EIF3B: variants seen among roughly 807,000 people sequenced by gnomAD.
EIF3B encodes eukaryotic translation initiation factor 3 subunit 9.
In EIF3B, 10 loss-of-function variants were observed where a neutral mutation model predicts 104.6. The observed-to-expected ratio is 0.10, with a 90% CI of 0.06 to 0.16. The LOEUF (loss-of-function observed/expected upper bound fraction) is 0.16, where lower values mean the gene tolerates loss of function less well. Ranked by LOEUF, EIF3B falls within the 10% of genes least tolerant of loss-of-function variation. The probability of loss-of-function intolerance (pLI) is 1.00; values close to 1 mark genes in which losing one functional copy is unlikely to be tolerated. For synonymous variants in EIF3B, 542 were observed against 417.2 expected (o/e 1.30, Z -3.65); for missense variants, 1,014 against 1,087.9 (o/e 0.93, Z 0.96).
At position 2,378,671 on chromosome 7, in the gene EIF3B, A is replaced by G; in HGVS notation, c.2155-18A>G. ...TGCTTTGAATGTTAAATCCTGAGTG[A>G]TGGGTCTTTTGTTTCAGCAAATTAA... On this transcript the variant is annotated intron_variant, in intron 15 of 18. Coordinates refer to ENST00000360876, the MANE Select transcript of EIF3B (RefSeq NM_001037283.2). 6.2e-7 allele frequency: 1 copy of G among 1,607,802 alleles called. No homozygotes were observed. Among genetic ancestry groups the G allele is most frequent in the Non-Finnish European group, 8.5e-7 (1 of 1,174,418 alleles).
intron 12 of EIF3B, chr7:2,374,097 A>G (rs1396175185): frequency 6.5e-6 from 1 of 154,270 alleles, no homozygotes; most frequent in Non-Finnish European, 1.4e-5. Context: ...TCCGGAAGTA[A>G]GAGTTAGTAC....
intron 10 of EIF3B, among the ~76,000 whole-genome samples, chr7:2,370,532 C>G (rs1323843637): frequency 1.3e-5 from 2 of 152,134 alleles, no homozygotes; most frequent in Non-Finnish European, 2.9e-5. Context: ...ATTCTTCTTT[C>G]TTTTATGTTA....
chr7:2,372,956 G>A (rs1057064054), intron 12 of EIF3B, among the ~76,000 whole-genome samples, 161 bp downstream of exon 12: 1 of 152,156 alleles, frequency 6.6e-6, no homozygotes, highest in Non-Finnish European at 1.5e-5. Context: ...GTGAGCGATG[G>A]CCTGGAGGTG....
chr7:2,355,799 A>G (rs553804496), intron 1 of EIF3B, among the ~76,000 whole-genome samples: 5 of 152,122 alleles, frequency 3.3e-5, no homozygotes, highest in East Asian at 1.9e-4. Context: ...TTGCGGGTCT[A>G]CGTGTCCCCA....
chr7:2,355,828 T>G (rs1234010298), intron 1 of EIF3B, among the ~76,000 whole-genome samples: 1 of 152,114 alleles, frequency 6.6e-6, no homozygotes, highest in Non-Finnish European at 1.5e-5. Context: ...CAGTCAGACC[T>G]CCCAAGGTCT....
At chr7:2,379,641 G>A (rs952607457) in intron 18 of EIF3B, 130 bp downstream of exon 18, 3 of 662,426 alleles carry the variant, frequency 4.5e-6, no homozygotes, top group Admixed American at 2.5e-5. Context: ...ATGTGCCCAG[G>A]GTTAGCTGAG....
chr7:2,362,690 T>C lies in EIF3B; in HGVS notation c.738T>C (p.Ala246=), dbSNP rs2115293787. The part of the protein sequence containing the change: ...EYASPAHAVD[A]VKNADGYKLD... ...CGTCCCCTGCCCACGCTGTGGATGC[T>C]GTGAAGAACGCCGACGGCTACAAGC... is the stretch of plus-strand genomic sequence containing the variant. The change falls in exon 3 of 19, where the codon GCT becomes GCC. Residue 246 remains alanine, a synonymous_variant. Coordinates refer to ENST00000360876, the MANE Select transcript of EIF3B (RefSeq NM_001037283.2). 1 of 1,614,234 alleles carries C rather than the reference T, an allele frequency of 6.2e-7. No homozygotes were observed. The highest frequency in any genetic ancestry group is 8.5e-7 in the Non-Finnish European group (1 of 1,180,036).
In EIF3B at chr7:2,366,342, A is replaced by T; in HGVS notation, c.1183A>T (p.Met395Leu). The change falls in exon 7 of 19, where the codon ATG (methionine) becomes TTG (leucine). Residue 395 changes from methionine (M) to leucine (L), a missense_variant. Coordinates refer to ENST00000360876, the MANE Select transcript of EIF3B (RefSeq NM_001037283.2). ...ERYLVTFSPL[M>L]DTQDDPQAII... ...GTACCTGGTGACCTTTAGCCCCCTGATGGACACGCAGGATGACCCTCAGGC... is the reference window on the plus strand; with the variant it reads ...GTACCTGGTGACCTTTAGCCCCCTGTTGGACACGCAGGATGACCCTCAGGC... The T allele has an allele frequency of 1.9e-6, 3 of 1,612,238 alleles. No homozygotes were observed. The highest frequency in any genetic ancestry group is 2.5e-6 in the Non-Finnish European group (3 of 1,179,246).
rs575904735 is a variant in EIF3B, at chr7:2,379,506, A to G, written c.*9A>G. On this transcript the variant is annotated 3_prime_UTR_variant, in exon 18 of 19. Transcript: ENST00000360876. Reference sequence around the variant, plus strand: ...TCGGGAATCAGGAGTGACCTGGAGCACTGTGGTGAGCGTCTGCAGGGGGCG... The same window carrying G: ...TCGGGAATCAGGAGTGACCTGGAGCGCTGTGGTGAGCGTCTGCAGGGGGCG... 6.4e-7 allele frequency: 1 copy of G among 1,560,328 alleles called. No individual in the cohort carries two copies. The highest frequency in any genetic ancestry group is 1.2e-5 in the South Asian group (1 of 84,804).
chr7:2,362,862 A>G, intron 3 of EIF3B, 98 bp downstream of exon 3: 1 of 1,556,704 alleles, frequency 6.4e-7, no homozygotes, highest in Non-Finnish European at 8.7e-7. Flanking sequence ...TGTCTGTCAG[A>G]TTGTTCACAT....
In EIF3B at chr7:2,355,157, G is replaced by A. The variant is rs775676864; in HGVS notation, c.236G>A (p.Gly79Asp). ...EPAAEAEAAS[G>D]PSESPSPPAA... ...GCGGCCGAGGCAGAGGCGGCCTCCG[G>A]CCCGTCCGAGTCGCCCTCGCCGCCG... The change falls in exon 1 of 19, where the codon GGC (glycine) becomes GAC (aspartate). Residue 79 changes from glycine (G) to aspartate (D), a missense_variant. Gly to Asp is a moderately conservative substitution (Grantham distance 94, BLOSUM62 -1). This residue lies in a region of EIF3B where 488 missense variants were observed against 404.3 expected (regional missense o/e 1.21). Transcript: ENST00000360876. 1.7e-4 allele frequency: 253 copies of A among 1,448,342 alleles called. 1 individual carries two copies. Among genetic ancestry groups the A allele is most frequent in the Non-Finnish European group, 2.2e-4 (241 of 1,110,468 alleles). 89.7% of individuals were successfully genotyped at this position (1,448,342 alleles called of 1,614,324 possible).
At chr7:2,355,979 CTA>C (rs10574056) in intron 1 of EIF3B, among the ~76,000 whole-genome samples, 1,923 of 152,296 alleles carry the variant, frequency 0.013, 42 homozygotes, top group African/African-American at 0.044. Context: ...TGCGCTAAAT[CTA>C]TAAAGAGAGT....
At position 2,362,830 on chromosome 7, in the gene EIF3B, G is replaced by A. The variant is rs1779811052; in HGVS notation, c.812+66G>A. ...GCAAGTGACTGGCTGTGTGCGGGTGGCTTGGTGCTTCTCGGTGCTGGTGTC... is the reference window on the plus strand; with the variant it reads ...GCAAGTGACTGGCTGTGTGCGGGTGACTTGGTGCTTCTCGGTGCTGGTGTC... On this transcript the variant is annotated intron_variant, in intron 3 of 18. Coordinates refer to ENST00000360876, the MANE Select transcript of EIF3B (RefSeq NM_001037283.2). The A allele has an allele frequency of 8.7e-6, 14 of 1,603,408 alleles. No homozygotes were observed. The South Asian group carries it at 1.5e-4, about 18-fold the overall frequency.
At chr7:2,362,849 T>C in intron 3 of EIF3B, 85 bp downstream of exon 3, 4 of 1,578,426 alleles carry the variant, frequency 2.5e-6, no homozygotes, top group Non-Finnish European at 3.5e-6. Context: ...TTCTCGGTGC[T>C]GGTGTCTGTC....
At chr7:2,355,463 T>G in intron 1 of EIF3B, 43 bp downstream of exon 1, 1 of 1,402,010 alleles carries the variant, frequency 7.1e-7, no homozygotes, top group Non-Finnish European at 9.3e-7. Flanking sequence ...CGCGGGAGCG[T>G]GGCTGGGGTT....
intron 9 of EIF3B, 32 bp downstream of exon 9, chr7:2,367,077 G>GC: frequency 1.3e-6 from 2 of 1,518,976 alleles, no homozygotes; most frequent in South Asian, 1.2e-5. Flanking sequence ...GTGTCTTAGT[G>GC]TGTTCAGGCT....
In EIF3B at chr7:2,355,261, G is replaced by C. The variant is rs751195596; in HGVS notation, c.340G>C (p.Asp114His). 17 of 1,531,054 alleles carry C rather than the reference G, an allele frequency of 1.1e-5. No individual in the cohort carries two copies. The highest frequency in any genetic ancestry group is 9.6e-6 in the Non-Finnish European group (11 of 1,145,536). The allele number at this position is 1,531,054 out of a possible 1,614,324, so 94.8% of individuals were successfully genotyped here. ...CGAGGCCCCAGGAGAGCAGGCTCGG[G>C]ACGAGCGCTCCGACAGCCGGGCCCA... ...QGEAPGEQAR[D>H]ERSDSRAQAV... is the part of the protein sequence containing the mutation. Residue 114 changes from aspartate (D) to histidine (H), a missense_variant, in exon 1 of 19, where the codon GAC (aspartate) becomes CAC (histidine). Asp to His is a moderately conservative substitution (Grantham distance 81). Transcript: ENST00000360876.
In EIF3B at chr7:2,379,377, G is replaced by A. The variant is rs568095784; in HGVS notation, c.2342-17G>A. On this transcript the variant is annotated splice_polypyrimidine_tract_variant and intron_variant, in intron 17 of 18. Transcript: ENST00000360876. ...GCATGTGCCCCCATGGGTGATCTGC[G>A]CCCTTTGTCCCCTCAGGGGTGGACA... 8.9e-6 allele frequency: 14 copies of A among 1,573,404 alleles called. No homozygotes were observed. Among genetic ancestry groups the A allele is most frequent in the Middle Eastern group, 1.7e-4 (1 of 5,998 alleles).
rs922847533 is a variant in EIF3B at position 2,360,597 on chromosome 7, A to T, written c.500-113A>T. On this transcript the variant is annotated intron_variant, in intron 1 of 18. Coordinates refer to ENST00000360876, the MANE Select transcript of EIF3B (RefSeq NM_001037283.2). ...GTTAGGATTTCTTTTGCTCACAGTG[A>T]AAGCATTTAGACAATTCATTGTCTC... 1.3e-5 allele frequency: 11 copies of T among 855,812 alleles called. No homozygotes were observed. In the African/African-American group the frequency reaches 1.5e-4, roughly 12 times the overall value. 53.0% of individuals were successfully genotyped at this position (855,812 alleles called of 1,614,324 possible).
Sources: gnomAD v4.1 joint callset for allele counts (sites outside exome capture counted in the v4.1 genomes callset) on GRCh38, gnomAD v4.1.1 for gene constraint, gnomAD v4.1.1 regional missense constraint, MANE v1.5 for transcripts, NCBI Gene and HGNC (gene_info 2026-07-23, HGNC 2026-07-21) for gene names.